MX2: variants seen among roughly 807,000 people sequenced by gnomAD.
MX2 encodes the protein interferon-induced GTP-binding protein Mx2.
Under a neutral mutation model 74.0 loss-of-function variants are expected in MX2, and 51 were observed. The ratio of observed to expected loss-of-function variants is 0.69; its 90% CI spans 0.55 to 0.87. The LOEUF (loss-of-function observed/expected upper bound fraction) is 0.87, where lower values mean the gene tolerates loss of function less well. Ranked by LOEUF, MX2 falls within the 40% of genes least tolerant of loss-of-function variation. The pLI, the probability that MX2 is intolerant of heterozygous loss-of-function variation, is 0.00. For synonymous variants in MX2, 369 were observed against 339.3 expected (o/e 1.09, Z -0.96); for missense variants, 832 against 908.7 (o/e 0.92, Z 1.09).
Position 41,392,840 on chromosome 21 carries a change from C to T in MX2, c.871+2137C>T, listed in dbSNP as rs551206065. On this transcript the variant is annotated intron_variant, in intron 6 of 13. Coordinates refer to ENST00000330714, the MANE Select transcript of MX2 (RefSeq NM_002463.2). ...GAAATTGAGGCCGGGCATGTTGACT[C>T]ATGCCTGCAATCCCAGCACTTTGGG... Among the ~76,000 whole-genome samples the T allele has an allele frequency of 3.3e-5, 5 of 152,224 alleles. No individual in the cohort carries two copies. In the South Asian group the frequency reaches 1.0e-3, roughly 32 times the overall value.
chr21:41,378,755 G>T (rs1174767503), intron 3 of MX2, among the ~76,000 whole-genome samples: 1 of 152,156 alleles, frequency 6.6e-6, no homozygotes, highest in Admixed American at 6.5e-5. Flanking sequence ...CAGGGCATAG[G>T]GAAGCCAGCA....
At chr21:41,398,761 T>C in intron 8 of MX2, 136 bp from the exon 9 acceptor site, 1 of 1,229,204 alleles carries the variant, frequency 8.1e-7, no homozygotes, top group Non-Finnish European at 1.1e-6. Context: ...TCCCAGCACT[T>C]TGGGAGGCTG....
In MX2 at chr21:41,408,055, A is replaced by C; in HGVS notation, c.1970A>C (p.Asn657Thr). The part of the protein sequence containing the change: ...FIIQYFMLRE[N>T]GDSLQKAMMQ... ...ATTCAGTATTTTATGCTCCGAGAGAATGGTGACTCCTTGCAGAAAGCCATG... is the reference window on the plus strand; with the variant it reads ...ATTCAGTATTTTATGCTCCGAGAGACTGGTGACTCCTTGCAGAAAGCCATG... The change falls in exon 14 of 14, where the codon AAT becomes ACT. Residue 657 changes from asparagine (N) to threonine (T), a missense_variant. Transcript: ENST00000330714. The C allele has an allele frequency of 6.2e-7, 1 of 1,614,194 alleles. No individual in the cohort carries two copies. Among genetic ancestry groups the C allele is most frequent in the Non-Finnish European group, 8.5e-7 (1 of 1,180,032 alleles).
intron 5 of MX2, 172 bp from the exon 6 acceptor site, chr21:41,390,393 G>A (rs1256270888): frequency 8.1e-6 from 7 of 864,622 alleles, no homozygotes; most frequent in South Asian, 3.0e-5. Context: ...CAGAGACCAG[G>A]GCAGGGCCGC....
chr21:41,378,638 G>A (rs2089446752), intron 3 of MX2, among the ~76,000 whole-genome samples: 1 of 152,332 alleles, frequency 6.6e-6, no homozygotes, highest in African/African-American at 2.4e-5. Flanking sequence ...GAGTGAAGAA[G>A]CTGTTGTACA....
chr21:41,365,320 C>G (rs964676433), intron 1 of MX2: 1 of 152,176 alleles, frequency 6.6e-6, no homozygotes, highest in Non-Finnish European at 1.5e-5. Context: ...CACATTATTT[C>G]ATCACTCGGG....
chr21:41,383,723 C>A (rs2089529262), intron 5 of MX2, among the ~76,000 whole-genome samples: 1 of 152,164 alleles, frequency 6.6e-6, no homozygotes. Flanking sequence ...CTGTTTGGGG[C>A]AAAATCTTGG....
At position 41,408,092 on chromosome 21, in the gene MX2, A is replaced by G. The variant is rs779279538; in HGVS notation, c.2007A>G (p.Leu669=). 1.9e-6 allele frequency: 3 copies of G among 1,614,212 alleles called. No homozygotes were observed. Among genetic ancestry groups the G allele is most frequent in the Admixed American group, 3.3e-5 (2 of 60,024 alleles). Residue 669 remains leucine (L), a synonymous_variant, in exon 14 of 14, where the codon CTA becomes CTG. Coordinates refer to ENST00000330714, the MANE Select transcript of MX2 (RefSeq NM_002463.2). The stretch of plus-strand genomic sequence containing the variant: ...TGCAGAAAGCCATGATGCAGATACT[A>G]CAGGAAAAAAATCGCTATTCCTGGC... The part of the protein sequence containing the change: ...DSLQKAMMQI[L]QEKNRYSWLL...
chr21:41,393,119 AAAAAAAAAAAAAGAAAGAAAG>A (rs1248523118), intron 6 of MX2, among the ~76,000 whole-genome samples: 1 of 143,430 alleles, frequency 7.0e-6, no homozygotes, highest in Non-Finnish European at 1.5e-5. Flanking sequence ...GCAAAAAAAA[AAAAAAAAAAAAAGAAAGAAAG>A]AAAAGAAAAA....
intron 12 of MX2, among the ~76,000 whole-genome samples, chr21:41,406,086 T>C (rs375651360): frequency 5.9e-5 from 9 of 152,202 alleles, no homozygotes; most frequent in African/African-American, 2.2e-4. Context: ...CCTCCCAGGT[T>C]CAAGCCATTC....
In MX2 at chr21:41,405,445, C is replaced by T. The variant is rs116909075; in HGVS notation, c.1651-1299C>T. 3.1e-3 allele frequency among the ~76,000 whole-genome samples: 478 copies of T among 152,146 alleles called. 1 individual carries two copies. Among genetic ancestry groups the T allele is most frequent in the Non-Finnish European group, 4.8e-3 (327 of 67,982 alleles). On this transcript the variant is annotated intron_variant, in intron 12 of 13. Coordinates refer to ENST00000330714, the MANE Select transcript of MX2 (RefSeq NM_002463.2). ...ATGGTCAGGTGGCAGTGAGGGCTCT[C>T]TTTCAGGTTGCGGATGGCCACCACC...
intron 7 of MX2, 34 bp downstream of exon 7, chr21:41,395,819 T>C: frequency 6.2e-7 from 1 of 1,607,558 alleles, no homozygotes. Context: ...GGAATTAGAC[T>C]CCATGAAAGC....
In MX2 at chr21:41,392,365, A is replaced by G. The variant is rs551160273; in HGVS notation, c.871+1662A>G. ...GAGGGAAATTCTGAAGCACACAACA[A>G]CATGAGTGAACTTCAACGACATTAT... is the stretch of plus-strand genomic sequence containing the variant. On this transcript the variant is annotated intron_variant, in intron 6 of 13. Transcript: ENST00000330714. 7.2e-5 allele frequency among the ~76,000 whole-genome samples: 11 copies of G among 152,366 alleles called. No homozygotes were observed. The South Asian group carries it at 1.4e-3, about 20-fold the overall frequency.
At chr21:41,373,354 A>G (rs781679220) in intron 1 of MX2, among the ~76,000 whole-genome samples, 5 of 152,172 alleles carry the variant, frequency 3.3e-5, no homozygotes, top group Middle Eastern at 3.2e-3. Flanking sequence ...GCTGTCACCA[A>G]TGCATGATGT....
In MX2 at chr21:41,387,037, G is replaced by A. The variant is rs2089588337; in HGVS notation, c.733-3528G>A. 2.0e-5 allele frequency among the ~76,000 whole-genome samples: 3 copies of A among 152,218 alleles called. No homozygotes were observed. In the South Asian group the frequency reaches 6.2e-4, roughly 32 times the overall value. On this transcript the variant is annotated intron_variant, in intron 5 of 13. Transcript: ENST00000330714. ...AAATAAGGCAGGTTGGACAAGCTTA[G>A]TCATAGAGTCAAAGCTTCCTGCACG...
chr21:41,378,063 T>G (rs746959593), intron 3 of MX2, 82 bp downstream of exon 3: 1 of 1,480,924 alleles, frequency 6.8e-7, no homozygotes, highest in Non-Finnish European at 9.1e-7. Flanking sequence ...CCAAGAGGTT[T>G]TAGAGACAGG....
rs760364791 is a variant in MX2, at chr21:41,380,035, C to T, written c.461C>T (p.Pro154Leu). 1.4e-5 allele frequency: 22 copies of T among 1,613,928 alleles called. No homozygotes were observed. Among genetic ancestry groups the T allele is most frequent in the East Asian group, 2.2e-5 (1 of 44,870 alleles). ...PRGSGIVTRC[P>L]LVLKLKKQPC... ...CGCTCAGGAATCGTAACCAGGTGTC[C>T]GCTGGTGCTGAAACTGAAAAAGCAG... The change falls in exon 4 of 14, where the codon CCG (proline) becomes CTG (leucine). Residue 154 changes from proline (P) to leucine (L), a missense_variant. Transcript: ENST00000330714. This position sits in a 1 kb window ranked among gnomAD's most constrained non-coding sequence, Gnocchi z 4.3.
In MX2 at chr21:41,377,979, G is replaced by C; in HGVS notation, c.440G>C (p.Ser147Thr). ...TCAGGAGTCGCGCTTCCCAGAGGCA[G>C]CGGTAAGTTCAACGGACCACCTTCC... ...ALSGVALPRG[S>T]GIVTRCPLVL... The change falls in exon 3 of 14, where the codon AGC (serine) becomes ACC (threonine). Residue 147 changes from serine (S) to threonine (T), a missense_variant and splice_region_variant. Ser to Thr is a moderately conservative substitution (Grantham distance 58, BLOSUM62 1). Coordinates refer to ENST00000330714, the MANE Select transcript of MX2 (RefSeq NM_002463.2). 1 of 1,612,634 alleles carries C rather than the reference G, an allele frequency of 6.2e-7. No individual in the cohort carries two copies. The highest frequency in any genetic ancestry group is 1.1e-5 in the South Asian group (1 of 91,052).
At position 41,376,852 on chromosome 21, in the gene MX2, C is replaced by G; in HGVS notation, c.-55C>G. The stretch of plus-strand genomic sequence containing the variant: ...TCTTTGCAGAGCTTGTCAGGAAGAT[C>G]GGAGGTGCCAAGTAGCAGAGAAAGC... On this transcript the variant is annotated 5_prime_UTR_variant, in exon 2 of 14. The change creates a new upstream start codon in the 5' untranslated region. Transcript: ENST00000330714. 2 of 1,595,774 alleles carry G rather than the reference C, an allele frequency of 1.3e-6. No individual in the cohort carries two copies. The highest frequency in any genetic ancestry group is 8.5e-7 in the Non-Finnish European group (1 of 1,169,994).
Sources: gnomAD v4.1 joint callset for allele counts (sites outside exome capture counted in the v4.1 genomes callset) on GRCh38, gnomAD v4.1.1 for gene constraint, Gnocchi (gnomAD v3.1) non-coding constraint, MANE v1.5 for transcripts, NCBI Gene and HGNC (gene_info 2026-07-23, HGNC 2026-07-21) for gene names.